The following BAIAP2L1 variants were observed in gnomAD, a reference collection of about 807,000 sequenced individuals.
BAIAP2L1 encodes BAR/IMD domain-containing adapter protein 2-like 1.
In BAIAP2L1, 35 loss-of-function variants were observed where a neutral mutation model predicts 66.3. The observed-to-expected ratio is 0.53, with a 90% CI of 0.40 to 0.70. BAIAP2L1 has a LOEUF of 0.70. Ranked by LOEUF, BAIAP2L1 falls within the 30% of genes least tolerant of loss-of-function variation. The pLI is 0.00. For synonymous variants in BAIAP2L1, 269 were observed against 248.7 expected, an observed-to-expected ratio of 1.08 and a Z score of -0.77; for missense variants, 622 against 656.9, an observed-to-expected ratio of 0.95 and a Z score of 0.58.
intron 1 of BAIAP2L1, among the ~76,000 whole-genome samples, chr7:98,378,652 T>G (rs548548636): frequency 1.3e-5 from 2 of 152,340 alleles, no homozygotes; most frequent in East Asian, 3.9e-4. Context: ...TGTTTTTTTT[T>G]TTAGACTAAG....
At chr7:98,360,270 T>C (rs545922799) in intron 2 of BAIAP2L1, among the ~76,000 whole-genome samples, 43 of 151,928 alleles carry the variant, frequency 2.8e-4, no homozygotes, top group Middle Eastern at 3.4e-3. Context: ...CTCGAATTCC[T>C]GGGCTAAAGC....
chr7:98,362,487 C>G, intron 1 of BAIAP2L1, 55 bp from the exon 2 acceptor site: 1 of 1,488,432 alleles, frequency 6.7e-7, no homozygotes, highest in Non-Finnish European at 9.3e-7. Context: ...ACCAAGTCAT[C>G]TTCAGATTTT....
At chr7:98,319,265 C>T (rs1801173116) in intron 5 of BAIAP2L1, among the ~76,000 whole-genome samples, 1 of 152,108 alleles carries the variant, frequency 6.6e-6, no homozygotes, top group African/African-American at 2.4e-5. Flanking sequence ...TCTGTAGGGC[C>T]ACCCTGAAGG....
At chr7:98,371,899 G>A (rs1234359258) in intron 1 of BAIAP2L1, among the ~76,000 whole-genome samples, 4 of 151,086 alleles carry the variant, frequency 2.6e-5, no homozygotes, top group African/African-American at 7.3e-5. Context: ...GGTTCACACC[G>A]TTCTCCTGCC....
chr7:98,315,921 G>C (rs933238588), intron 6 of BAIAP2L1, among the ~76,000 whole-genome samples: 2 of 152,148 alleles, frequency 1.3e-5, no homozygotes, highest in African/African-American at 4.8e-5. Context: ...ACGGGCTTTG[G>C]AACCAGAAAG....
chr7:98,400,884 G>A lies in BAIAP2L1; in HGVS notation c.-32C>T, dbSNP rs1196737475. The stretch of plus-strand genomic sequence containing the variant: ...GGCCGCCGGGCGAGCAAGCGCGGGA[G>A]GACGCGGCTGGGCCTCGTGGCCGCC... On this transcript the variant is annotated 5_prime_UTR_variant, in exon 1 of 14. Transcript: ENST00000005260. The A allele has an allele frequency of 5.9e-6, 9 of 1,532,216 alleles. 1 individual carries two copies. The Middle Eastern group carries it at 5.5e-4, about 94-fold the overall frequency. The allele number at this position is 1,532,216 out of a possible 1,614,324, so 94.9% of individuals were successfully genotyped here. A position where few individuals can be genotyped will look rare whatever the true frequency, so the allele number is the denominator to read the frequency against.
chr7:98,342,887 A>C (rs1209903044), intron 3 of BAIAP2L1, among the ~76,000 whole-genome samples: 2 of 152,124 alleles, frequency 1.3e-5, no homozygotes, highest in Admixed American at 1.3e-4. Flanking sequence ...GAAGTTTATG[A>C]AAATGTCAGA....
At chr7:98,386,068 C>T (rs984267284) in intron 1 of BAIAP2L1, 14 of 1,528,758 alleles carry the variant, frequency 9.2e-6, no homozygotes, top group East Asian at 6.7e-5. Context: ...CTGCACCTCT[C>T]GGGTCATGAT....
intron 12 of BAIAP2L1, among the ~76,000 whole-genome samples, chr7:98,299,794 A>G (rs906622926): frequency 1.2e-4 from 19 of 152,204 alleles, no homozygotes; most frequent in African/African-American, 4.6e-4. Context: ...TATTCCCAGC[A>G]CTTTGGGAGG....
intron 1 of BAIAP2L1, among the ~76,000 whole-genome samples, chr7:98,393,052 C>CATATATATACATATATACGTGTACAT (rs144248203): frequency 8.9e-6 from 1 of 112,174 alleles, no homozygotes; most frequent in African/African-American, 4.1e-5. Flanking sequence ...TATACGTGTA[C>CATATATATACATATATACGTGTACAT]ATATATGTAC....
Position 98,292,340 on chromosome 7 carries a change from GCCT to G in BAIAP2L1, c.*1178_*1180del. 2.7e-6 allele frequency: 1 copy of G among 366,282 alleles called. No homozygotes were observed. The highest frequency in any genetic ancestry group is 3.2e-5 in the South Asian group (1 of 31,632). The allele number at this position is 366,282 out of a possible 1,614,324, so 22.7% of individuals were successfully genotyped here. ...GGGTTCAAGTGATTCTCCTGCCTCAGCCTCCTGAGTGGCGCCCACCACCACACC... is the reference window on the plus strand; with the variant it reads ...GGGTTCAAGTGATTCTCCTGCCTCAGCCTGAGTGGCGCCCACCACCACACC... On this transcript the variant is annotated 3_prime_UTR_variant, in exon 14 of 14. Transcript: ENST00000005260.
At chr7:98,301,858 G>A (rs1800444779) in intron 12 of BAIAP2L1, among the ~76,000 whole-genome samples, 1 of 152,164 alleles carries the variant, frequency 6.6e-6, no homozygotes, top group Non-Finnish European at 1.5e-5. Context: ...TGGGAAGGGT[G>A]GTGGTGGTGT....
At chr7:98,303,978 A>C (rs867679400) in intron 12 of BAIAP2L1, among the ~76,000 whole-genome samples, 7 of 152,350 alleles carry the variant, frequency 4.6e-5, no homozygotes, top group Middle Eastern at 3.4e-3. Flanking sequence ...GATAGAGTCC[A>C]CATGAAAGAA....
intron 12 of BAIAP2L1, among the ~76,000 whole-genome samples, chr7:98,299,770 G>T (rs1800344150): frequency 6.6e-6 from 1 of 152,188 alleles, no homozygotes; most frequent in Non-Finnish European, 1.5e-5. Context: ...GCCGGGCGCA[G>T]TGACTCACGC....
At chr7:98,390,458 G>A (rs1255872648) in intron 1 of BAIAP2L1, among the ~76,000 whole-genome samples, 1 of 151,860 alleles carries the variant, frequency 6.6e-6, no homozygotes, top group Non-Finnish European at 1.5e-5. Context: ...GCCGGGTGCA[G>A]TGGCTCACGC....
At chr7:98,384,109 G>A (rs915797770) in intron 1 of BAIAP2L1, among the ~76,000 whole-genome samples, 35 of 148,822 alleles carry the variant, frequency 2.4e-4, no homozygotes, top group South Asian at 4.2e-4. Flanking sequence ...AGCCGAGATC[G>A]CACCATTGCA....
At chr7:98,370,012 TA>T (rs1802473694) in intron 1 of BAIAP2L1, among the ~76,000 whole-genome samples, 1 of 151,856 alleles carries the variant, frequency 6.6e-6, no homozygotes, top group Non-Finnish European at 1.5e-5. Flanking sequence ...CATATAACCC[TA>T]ACATCTTAAA....
At chr7:98,370,671 T>C (rs1399674330) in intron 1 of BAIAP2L1, among the ~76,000 whole-genome samples, 1 of 151,708 alleles carries the variant, frequency 6.6e-6, no homozygotes, top group Non-Finnish European at 1.5e-5. Context: ...CCAGCTAATT[T>C]TTTGTATTTT....
chr7:98,398,314 G>C (rs537130259), intron 1 of BAIAP2L1, among the ~76,000 whole-genome samples: 1 of 152,170 alleles, frequency 6.6e-6, no homozygotes, highest in Admixed American at 6.6e-5. Flanking sequence ...GCTGGATAGG[G>C]GGAAGAACCC....
Sources: allele counts gnomAD v4.1 joint callset (sites outside exome capture counted in the v4.1 genomes callset), GRCh38; gene constraint gnomAD v4.1.1; transcripts MANE v1.5; gene names NCBI Gene and HGNC (gene_info 2026-07-23, HGNC 2026-07-21).